The following HERC2 variants were observed in gnomAD, a reference collection of about 807,000 sequenced individuals.
HERC2 encodes the protein E3 ubiquitin-protein ligase HERC2.
In HERC2, 102 loss-of-function variants were observed where a neutral mutation model predicts 537.7. The ratio of observed to expected loss-of-function variants is 0.19; its 90% CI spans 0.16 to 0.22. HERC2 has a LOEUF of 0.22. Among genes scored for constraint, HERC2 ranks in the 10% least tolerant of loss-of-function variants. HERC2 has a pLI of 1.00. For missense variants in HERC2, 4,236 were observed against 6,198.2 expected (o/e 0.68, Z 10.63); for synonymous variants, 2,224 against 2,466.2 (o/e 0.90, Z 2.91).
At chr15:28,299,346 A>G in intron 3 of HERC2, 56 bp downstream of exon 3, 1 of 685,496 alleles carries the variant, frequency 1.5e-6, no homozygotes, top group South Asian at 1.9e-5. Flanking sequence ...AATTTCTATA[A>G]AATGCATTTT....
intron 78 of HERC2, among the ~76,000 whole-genome samples, chr15:28,140,182 C>G (rs1891070167): frequency 1.3e-5 from 2 of 152,046 alleles, no homozygotes; most frequent in Admixed American, 1.3e-4. Flanking sequence ...AGGAAACATG[C>G]CTAATCTGAT....
At chr15:28,313,695 G>T (rs1469478769) in intron 2 of HERC2, among the ~76,000 whole-genome samples, 1 of 152,120 alleles carries the variant, frequency 6.6e-6, no homozygotes, top group South Asian at 2.1e-4. Context: ...TCTATTGAAC[G>T]TAGGACAACA....
rs1201420054 is a variant in HERC2 at position 28,260,910 on chromosome 15, C to A, written c.2183G>T (p.Ser728Ile). 1 of 1,614,186 alleles carries A rather than the reference C, an allele frequency of 6.2e-7. No individual in the cohort carries two copies. The highest frequency in any genetic ancestry group is 1.3e-5 in the African/African-American group (1 of 75,068). The change falls in exon 16 of 93, where the codon AGC (serine) becomes ATC (isoleucine). Residue 728 changes from serine (S) to isoleucine (I), a missense_variant. Transcript: ENST00000261609. The part of the protein sequence containing the change: ...STHCLALTED[S>I]EVHSWGSNDQ... ...GTTGCTCCCCCAGCTGTGGACCTCG[C>A]TGTCCTCAGTCAGAGCCAGGCAGTG...
intron 90 of HERC2, among the ~76,000 whole-genome samples, chr15:28,114,150 A>G (rs1887965089): frequency 1.3e-5 from 2 of 152,188 alleles, no homozygotes. Context: ...TCCAGGGGAC[A>G]TGGGACAAGC....
At position 28,208,679 on chromosome 15, in the gene HERC2, T is replaced by G. The variant is rs531997122; in HGVS notation, c.7070-2297A>C. Among the ~76,000 whole-genome samples the G allele has an allele frequency of 2.6e-5, 4 of 152,280 alleles. No individual in the cohort carries two copies. The East Asian group carries it at 7.7e-4, about 29-fold the overall frequency. On this transcript the variant is annotated intron_variant, in intron 44 of 92. Coordinates refer to ENST00000261609, the MANE Select transcript of HERC2 (RefSeq NM_004667.6). Reference sequence around the variant, plus strand: ...TGAGCTCCAAGCAATGCAGAGCTGCTCAACACGCTTCCAAAGACTCGCCAC... The same window carrying G: ...TGAGCTCCAAGCAATGCAGAGCTGCGCAACACGCTTCCAAAGACTCGCCAC...
At chr15:28,155,625 T>C (rs760754905) in intron 69 of HERC2, among the ~76,000 whole-genome samples, 9 of 149,510 alleles carry the variant, frequency 6.0e-5, no homozygotes, top group Non-Finnish European at 1.2e-4. Context: ...TTTTTTCTTG[T>C]AAATTTCTTT....
In HERC2 at chr15:28,113,049, G is replaced by A. The variant is rs1887822949; in HGVS notation, c.14232+22C>T. The A allele has an allele frequency of 6.2e-7, 1 of 1,606,346 alleles. No individual in the cohort carries two copies. The highest frequency in any genetic ancestry group is 8.5e-7 in the Non-Finnish European group (1 of 1,175,948). ...GTCGGCCGACATCAGCCCAGGGCCG[G>A]CAAGCCCAGCCAGGAGCCTACCTGG... On this transcript the variant is annotated intron_variant, in intron 92 of 92. Coordinates refer to ENST00000261609, the MANE Select transcript of HERC2 (RefSeq NM_004667.6). This position sits in a 1 kb window ranked among gnomAD's most constrained non-coding sequence, Gnocchi z 7.0.
At chr15:28,266,061 T>G (rs1189052486) in intron 12 of HERC2, 87 bp from the exon 13 acceptor site, 1 of 1,436,900 alleles carries the variant, frequency 7.0e-7, no homozygotes, top group African/African-American at 1.4e-5. Context: ...ACTATCCAAA[T>G]TTAGACCAGC....
At position 28,177,558 on chromosome 15, in the gene HERC2, G is replaced by A. The variant is rs754634401; in HGVS notation, c.9164-49C>T. Reference sequence around the variant, plus strand: ...ATTGCCAAAGGGCAGGGAACAGAAAGCCCACAGCATAGCTAGCTCCCTATT... The same window carrying A: ...ATTGCCAAAGGGCAGGGAACAGAAAACCCACAGCATAGCTAGCTCCCTATT... On this transcript the variant is annotated intron_variant, in intron 59 of 92. Coordinates refer to ENST00000261609, the MANE Select transcript of HERC2 (RefSeq NM_004667.6). This position sits in a 1 kb window ranked among gnomAD's most constrained non-coding sequence, Gnocchi z 5.0. The A allele has an allele frequency of 6.4e-7, 1 of 1,553,276 alleles. No individual in the cohort carries two copies. The highest frequency in any genetic ancestry group is 1.1e-5 in the South Asian group (1 of 89,790).
chr15:28,192,036 C>G lies in HERC2; in HGVS notation c.8376G>C (p.Ser2792=). The change falls in exon 53 of 93, where the codon TCG becomes TCC. Residue 2792 remains serine (S), a synonymous_variant. Coordinates refer to ENST00000261609, the MANE Select transcript of HERC2 (RefSeq NM_004667.6). ...WSRMVKSLNV[S]SSVNQASRLI... Reference sequence around the variant, plus strand: ...GACGGGATGCCTGGTTCACGGAGGACGACACATTCAGGCTCTTCACCATGC... The same window carrying G: ...GACGGGATGCCTGGTTCACGGAGGAGGACACATTCAGGCTCTTCACCATGC... The G allele has an allele frequency of 6.2e-7, 1 of 1,614,006 alleles. No homozygotes were observed. Among genetic ancestry groups the G allele is most frequent in the Non-Finnish European group, 8.5e-7 (1 of 1,180,020 alleles).
chr15:28,288,927 CA>C (rs1341448616), intron 4 of HERC2, among the ~76,000 whole-genome samples: 1 of 148,120 alleles, frequency 6.8e-6, no homozygotes, highest in Admixed American at 6.7e-5. Flanking sequence ...AAAGCAAAAA[CA>C]AAAACATCAT....
chr15:28,194,361 G>A (rs924307926), intron 52 of HERC2, among the ~76,000 whole-genome samples: 2 of 145,946 alleles, frequency 1.4e-5, no homozygotes, highest in African/African-American at 5.0e-5. Flanking sequence ...ACAAGGTCAG[G>A]AGATCGAGAC....
rs1889996232 is a variant in HERC2 at position 28,130,498 on chromosome 15, C to T, written c.12662+5G>A. The T allele has an allele frequency of 6.2e-7, 1 of 1,612,238 alleles. No individual in the cohort carries two copies. The highest frequency in any genetic ancestry group is 8.5e-7 in the Non-Finnish European group (1 of 1,178,330). On this transcript the variant is annotated splice_donor_5th_base_variant and intron_variant, in intron 82 of 92. Coordinates refer to ENST00000261609, the MANE Select transcript of HERC2 (RefSeq NM_004667.6). Reference sequence around the variant, plus strand: ...GTGGGTTTAAACAAACAGAATCTTGCGTACCAGGTATAAACAGCTCCAGAT... The same window carrying T: ...GTGGGTTTAAACAAACAGAATCTTGTGTACCAGGTATAAACAGCTCCAGAT...
chr15:28,136,813 C>T (rs4778250), intron 78 of HERC2, among the ~76,000 whole-genome samples: 146,705 of 152,050 alleles, frequency 0.96, 70,891 homozygotes, highest in Non-Finnish European at 0.99. Flanking sequence ...TACCAACCCC[C>T]ACCCTAGAAA....
intron 82 of HERC2, 37 bp downstream of exon 82, chr15:28,130,466 G>T (rs1283649268): frequency 6.3e-7 from 1 of 1,586,598 alleles, no homozygotes; most frequent in African/African-American, 1.3e-5. Context: ...ATAAAAATCT[G>T]GTTTTAGTGG....
At chr15:28,161,266 A>G (rs1480124726) in intron 69 of HERC2, among the ~76,000 whole-genome samples, 1 of 152,152 alleles carries the variant, frequency 6.6e-6, no homozygotes, top group Middle Eastern at 3.2e-3. Context: ...TTTTTTTTAA[A>G]TATAATTCTA....
Position 28,175,676 on chromosome 15 carries a change from G to A in HERC2, c.9687-20C>T, listed in dbSNP as rs1239759288. ...TTTCCCCTGAGAGAAGGCCCATGGT[G>A]GAGAGTTACAATACGGTTATGGTCT... On this transcript the variant is annotated intron_variant, in intron 63 of 92. Transcript: ENST00000261609. 1 of 1,613,796 alleles carries A rather than the reference G, an allele frequency of 6.2e-7. No homozygotes were observed. Among genetic ancestry groups the A allele is most frequent in the Non-Finnish European group, 8.5e-7 (1 of 1,179,756 alleles).
intron 31 of HERC2, 149 bp from the exon 32 acceptor site, chr15:28,229,996 T>G: frequency 1.4e-6 from 1 of 690,716 alleles, no homozygotes; most frequent in African/African-American, 1.8e-5. Flanking sequence ...ATGCTATAAA[T>G]ATACTTATAA....
Position 28,149,624 on chromosome 15 carries a change from C to T in HERC2, c.10900+3053G>A, listed in dbSNP as rs149219304. ...TCCTAACCGAGAACATCACCGAGAA[C>T]GGCTGCACGAACGTACATTCTAGTA... On this transcript the variant is annotated intron_variant, in intron 70 of 92. Transcript: ENST00000261609. Among the ~76,000 whole-genome samples, 7 of 150,558 alleles carry T rather than the reference C, an allele frequency of 4.6e-5. No individual in the cohort carries two copies. In the South Asian group the frequency reaches 8.5e-4, roughly 18 times the overall value.
Sources: allele counts gnomAD v4.1 joint callset (sites outside exome capture counted in the v4.1 genomes callset), GRCh38; gene constraint gnomAD v4.1.1; non-coding constraint Gnocchi (gnomAD v3.1); transcripts MANE v1.5; gene names NCBI Gene and HGNC (gene_info 2026-07-23, HGNC 2026-07-21).